RABGAP1L: variants seen among roughly 807,000 people sequenced by gnomAD.
RABGAP1L encodes the protein rab GTPase-activating protein 1-like.
Under a neutral mutation model 137.7 loss-of-function variants are expected in RABGAP1L, and 63 were observed. That is an observed-to-expected ratio of 0.46 (90% CI 0.37 to 0.56). The LOEUF (loss-of-function observed/expected upper bound fraction) is 0.56, where lower values mean the gene tolerates loss of function less well. Ranked by LOEUF, RABGAP1L falls within the 20% of genes least tolerant of loss-of-function variation. RABGAP1L has a pLI of 0.00. For synonymous variants in RABGAP1L, 431 were observed against 433.7 expected (o/e 0.99, Z 0.08); for missense variants, 1,095 against 1,244.0 (o/e 0.88, Z 1.80).
intron 14 of RABGAP1L, among the ~76,000 whole-genome samples, chr1:174,655,542 G>A (rs528028111): frequency 6.6e-6 from 1 of 152,238 alleles, no homozygotes; most frequent in African/African-American, 2.4e-5. Flanking sequence ...TATTGGTGAT[G>A]ATTAGTGTGA....
chr1:174,789,905 A>G (rs1377843963), intron 18 of RABGAP1L, among the ~76,000 whole-genome samples: 1 of 152,094 alleles, frequency 6.6e-6, no homozygotes, highest in Admixed American at 6.6e-5. Context: ...TTCTAATTGG[A>G]TACAGAGATA....
intron 13 of RABGAP1L, among the ~76,000 whole-genome samples, chr1:174,477,066 A>G (rs1033665652): frequency 5.3e-5 from 8 of 152,164 alleles, no homozygotes; most frequent in Admixed American, 1.3e-4. Context: ...CTTGTGTACC[A>G]TAGTCCCAGG....
At chr1:174,439,564 A>G (rs140884337) in intron 13 of RABGAP1L, among the ~76,000 whole-genome samples, 53 of 152,302 alleles carry the variant, frequency 3.5e-4, no homozygotes, top group African/African-American at 1.3e-3. Flanking sequence ...GCACTAGTGA[A>G]ATACTCAGTT....
chr1:174,751,092 G>T (rs998688385), intron 17 of RABGAP1L, among the ~76,000 whole-genome samples: 1 of 151,992 alleles, frequency 6.6e-6, no homozygotes, highest in Non-Finnish European at 1.5e-5. Context: ...TTATCTCCTG[G>T]CCTGATTATA....
At chr1:174,238,721 G>C (rs1671464133) in intron 4 of RABGAP1L, 1 of 150,086 alleles carries the variant, frequency 6.7e-6, no homozygotes, top group African/African-American at 2.5e-5. Flanking sequence ...CTGTCTTTTT[G>C]TTTGTCTGTG....
intron 19 of RABGAP1L, among the ~76,000 whole-genome samples, chr1:174,884,268 G>A (rs1211632560): frequency 6.6e-6 from 1 of 152,192 alleles, no homozygotes; most frequent in Non-Finnish European, 1.5e-5. Flanking sequence ...TGGGAGACGA[G>A]GGTAAGCATT....
intron 13 of RABGAP1L, chr1:174,547,757 A>G: frequency 2.5e-6 from 3 of 1,198,654 alleles, no homozygotes; most frequent in Non-Finnish European, 3.5e-6. Context: ...TTGTATTTGT[A>G]TTTAAATTGA....
At chr1:174,307,450 C>A (rs539937003) in intron 11 of RABGAP1L, among the ~76,000 whole-genome samples, 11 of 152,264 alleles carry the variant, frequency 7.2e-5, no homozygotes, top group African/African-American at 2.6e-4. Flanking sequence ...ATTAAGCAGT[C>A]ACTCTCTGTT....
Position 174,275,852 on chromosome 1 carries a change from A to G in RABGAP1L, c.1073A>G (p.Tyr358Cys). 1 of 1,612,258 alleles carries G rather than the reference A, an allele frequency of 6.2e-7. No homozygotes were observed. The part of the protein sequence containing the change: ...LLDMESMGKS[Y>C]DGRAYVITGM... The stretch of plus-strand genomic sequence containing the variant: ...TTATAGGAATCCATGGGAAAGAGCT[A>G]TGATGGGAGAGCTTATGTCATCACT... The change falls in exon 9 of 26, where the codon TAT (tyrosine) becomes TGT (cysteine). Residue 358 changes from tyrosine (Y) to cysteine (C), a missense_variant. By Grantham distance (194) the Tyr-to-Cys change is radical. Around this residue, in one of 4 missense-constraint regions of RABGAP1L, gnomAD observed 112 missense variants for 157.3 expected, o/e 0.71. Transcript: ENST00000681986.
chr1:174,800,603 C>T (rs1688672011), intron 18 of RABGAP1L: 7 of 1,457,886 alleles, frequency 4.8e-6, no homozygotes, highest in Non-Finnish European at 6.4e-6. Flanking sequence ...GTTTTCTTCT[C>T]CTTCTCCCCA....
chr1:174,195,616 T>TCTTTCTTC (rs1234228992), intron 1 of RABGAP1L, among the ~76,000 whole-genome samples: 151 of 57,636 alleles, frequency 2.6e-3, no homozygotes, highest in Non-Finnish European at 3.8e-3. Context: ...TTTCTTTCTT[T>TCTTTCTTC]CTTCCTTCCT....
At chr1:174,225,049 C>CT (rs1442452234) in intron 3 of RABGAP1L, among the ~76,000 whole-genome samples, 1 of 151,908 alleles carries the variant, frequency 6.6e-6, no homozygotes, top group African/African-American at 2.4e-5. Flanking sequence ...ACACTAATCT[C>CT]TTTCTTTTCT....
chr1:174,340,965 C>T (rs1384161937), intron 11 of RABGAP1L, among the ~76,000 whole-genome samples: 4 of 152,042 alleles, frequency 2.6e-5, no homozygotes, highest in South Asian at 2.1e-4. Flanking sequence ...TTCTGAGTGA[C>T]GTGAGATGAT....
intron 19 of RABGAP1L, chr1:174,892,472 CT>C: frequency 2.2e-6 from 1 of 458,222 alleles, no homozygotes. Context: ...GCTTTTTCAC[CT>C]TCCAGCTTCT....
At chr1:174,500,070 C>T (rs1435818365) in intron 13 of RABGAP1L, among the ~76,000 whole-genome samples, 2 of 149,420 alleles carry the variant, frequency 1.3e-5, no homozygotes, top group Non-Finnish European at 1.5e-5. Flanking sequence ...TTACTTGTGG[C>T]AGGCTTCTTC....
intron 1 of RABGAP1L, among the ~76,000 whole-genome samples, chr1:174,182,173 A>G (rs1666424649): frequency 1.3e-5 from 2 of 152,174 alleles, no homozygotes. Flanking sequence ...TTGGCTTCAT[A>G]TTAAATAATT....
intron 13 of RABGAP1L, among the ~76,000 whole-genome samples, chr1:174,615,724 G>T (rs1244493066): frequency 1.3e-5 from 2 of 152,196 alleles, no homozygotes; most frequent in South Asian, 2.1e-4. Context: ...GCTGTGGTGG[G>T]CTCCATCCAG....
intron 19 of RABGAP1L, among the ~76,000 whole-genome samples, chr1:174,822,133 C>T (rs1191871058): frequency 2.0e-5 from 3 of 152,092 alleles, no homozygotes; most frequent in South Asian, 2.1e-4. Context: ...TGGTGGCGCA[C>T]GCCTGTAGTC....
At chr1:174,638,499 C>G (rs941691564) in intron 14 of RABGAP1L, among the ~76,000 whole-genome samples, 1 of 151,500 alleles carries the variant, frequency 6.6e-6, no homozygotes, top group Non-Finnish European at 1.5e-5. Context: ...GGATCTAGAA[C>G]TAGAAATACC....
Sources: gnomAD v4.1 joint callset for allele counts (sites outside exome capture counted in the v4.1 genomes callset) on GRCh38, gnomAD v4.1.1 for gene constraint, gnomAD v4.1.1 regional missense constraint, MANE v1.5 for transcripts, NCBI Gene and HGNC (gene_info 2026-07-23, HGNC 2026-07-21) for gene names.